KCNQ1: variants seen among roughly 807,000 people sequenced by gnomAD.
KCNQ1 encodes the protein potassium voltage-gated channel subfamily Q member 1.
Under a neutral mutation model 72.4 loss-of-function variants are expected in KCNQ1, and 49 were observed. That is an observed-to-expected ratio of 0.68 (90% confidence interval 0.54 to 0.86). The LOEUF is 0.86. KCNQ1 is among the 40% of genes least tolerant of loss of function. KCNQ1 has a pLI of 0.00. For synonymous variants in KCNQ1, 450 were observed against 412.6 expected, an observed-to-expected ratio of 1.09 and a Z score of -1.10; for missense variants, 790 against 945.1, an observed-to-expected ratio of 0.84 and a Z score of 2.15.
rs1850993315 is a variant in KCNQ1, at chr11:2,711,022, G to A, written c.1514+48941G>A. Reference sequence around the variant, plus strand: ...TCAATTTCTGCAAAGAAACCATCTGGGATACCAATAGGGATTGCATTGAAT... The same window carrying A: ...TCAATTTCTGCAAAGAAACCATCTGAGATACCAATAGGGATTGCATTGAAT... On this transcript the variant is annotated intron_variant, in intron 11 of 15. Coordinates refer to ENST00000155840, the MANE Select transcript of KCNQ1 (RefSeq NM_000218.3). This position sits in a 1 kb window ranked among gnomAD's most constrained non-coding sequence, Gnocchi z 5.4. 6.6e-6 allele frequency among the ~76,000 whole-genome samples: 1 copy of A among 152,112 alleles called. No homozygotes were observed. The highest frequency in any genetic ancestry group is 1.5e-5 in the Non-Finnish European group (1 of 68,032).
At chr11:2,763,540 GAT>G (rs141521871) in intron 11 of KCNQ1, among the ~76,000 whole-genome samples, 2 of 152,248 alleles carry the variant, frequency 1.3e-5, no homozygotes, top group Non-Finnish European at 2.9e-5. Context: ...TATTGTAATT[GAT>G]ATGTTTTATT....
At position 2,752,143 on chromosome 11, in the gene KCNQ1, G is replaced by A. The variant is rs1846236791; in HGVS notation, c.1515-16701G>A. ...GAGCTTGGGAGTTGTGTTGTGTAGT[G>A]TTGACTTGAGTTGCATCGTGTTGTG... On this transcript the variant is annotated intron_variant, in intron 11 of 15. Transcript: ENST00000155840. The surrounding 1 kb of genome is among the most constrained non-coding windows in gnomAD (Gnocchi z 5.2). Among the ~76,000 whole-genome samples the A allele has an allele frequency of 6.6e-6, 1 of 152,216 alleles. No individual in the cohort carries two copies. Among genetic ancestry groups the A allele is most frequent in the African/African-American group, 2.4e-5 (1 of 41,452 alleles).
Position 2,671,955 on chromosome 11 carries a change from A to C in KCNQ1, c.1514+9874A>C. On this transcript the variant is annotated intron_variant, in intron 11 of 15. Coordinates refer to ENST00000155840, the MANE Select transcript of KCNQ1 (RefSeq NM_000218.3). This position sits in a 1 kb window ranked among gnomAD's most constrained non-coding sequence, Gnocchi z 4.7. ...GCTAGTCTCTGTATCTGGGGTAGAA[A>C]GAGTGGGCTAAAAAGTCAGCTAGCA... 2.5e-6 allele frequency: 1 copy of C among 398,632 alleles called. No homozygotes were observed. The allele number at this position is 398,632 out of a possible 1,614,324, so 24.7% of individuals were successfully genotyped here. A position where few individuals can be genotyped will look rare whatever the true frequency, so the allele number is the denominator to read the frequency against.
chr11:2,714,149 G>A (rs941797212), intron 11 of KCNQ1, among the ~76,000 whole-genome samples: 5 of 152,236 alleles, frequency 3.3e-5, no homozygotes, highest in South Asian at 2.1e-4. Flanking sequence ...CTGGGCAGGC[G>A]CAGTGCCCAG....
intron 1 of KCNQ1, chr11:2,521,565 C>T: frequency 2.1e-6 from 1 of 470,654 alleles, no homozygotes; most frequent in South Asian, 1.5e-5. Flanking sequence ...TCAGCTTCGA[C>T]CCTGGGTGAG....
At chr11:2,841,137 A>T (rs1249661698) in intron 15 of KCNQ1, among the ~76,000 whole-genome samples, 1 of 152,166 alleles carries the variant, frequency 6.6e-6, no homozygotes, top group Non-Finnish European at 1.5e-5. Context: ...AGATGAGACG[A>T]GGAGGCCGCC....
chr11:2,564,816 A>T lies in KCNQ1; in HGVS notation c.478-5812A>T, dbSNP rs1848223475. 6.6e-6 allele frequency among the ~76,000 whole-genome samples: 1 copy of T among 152,104 alleles called. No homozygotes were observed. The highest frequency in any genetic ancestry group is 6.5e-5 in the Admixed American group (1 of 15,276). On this transcript the variant is annotated intron_variant, in intron 2 of 15. Coordinates refer to ENST00000155840, the MANE Select transcript of KCNQ1 (RefSeq NM_000218.3). The surrounding 1 kb of genome is among the most constrained non-coding windows in gnomAD (Gnocchi z 4.5). Reference sequence around the variant, plus strand: ...TGAATCTGATGACTGTAGCGACCTCACGTGAGTGGAAGCAGATAGTATTTG... The same window carrying T: ...TGAATCTGATGACTGTAGCGACCTCTCGTGAGTGGAAGCAGATAGTATTTG...
chr11:2,606,178 T>C (rs1848875524), intron 10 of KCNQ1, among the ~76,000 whole-genome samples: 3 of 152,248 alleles, frequency 2.0e-5, no homozygotes, highest in African/African-American at 7.2e-5. Context: ...AGATTGTTTT[T>C]TGACAGTGTG....
At chr11:2,527,404 T>G (rs1224826655) in intron 1 of KCNQ1, among the ~76,000 whole-genome samples, 1 of 152,162 alleles carries the variant, frequency 6.6e-6, no homozygotes, top group East Asian at 1.9e-4. Context: ...TGGAAGTGAT[T>G]TGTAAAATCA....
At chr11:2,753,079 C>G (rs1240591908) in intron 11 of KCNQ1, among the ~76,000 whole-genome samples, 1 of 152,160 alleles carries the variant, frequency 6.6e-6, no homozygotes, top group East Asian at 1.9e-4. Flanking sequence ...GAGGAGAGAA[C>G]GTGCATTCAC....
intron 11 of KCNQ1, among the ~76,000 whole-genome samples, chr11:2,708,597 C>T (rs933206875): frequency 7.9e-5 from 12 of 152,114 alleles, no homozygotes; most frequent in African/African-American, 2.9e-4. Flanking sequence ...CCAGAAGACT[C>T]ACCCCAGGGC....
rs1371546633 is a variant in KCNQ1 at position 2,475,810 on chromosome 11, C to T, written c.386+30326C>T. On this transcript the variant is annotated intron_variant, in intron 1 of 15. Coordinates refer to ENST00000155840, the MANE Select transcript of KCNQ1 (RefSeq NM_000218.3). This position sits in a 1 kb window ranked among gnomAD's most constrained non-coding sequence, Gnocchi z 5.8. ...CTGATGGTTTTAAAAAGAGGCATTCCGCTACACAAGCTCTCTCATGTTTTG... is the reference window on the plus strand; with the variant it reads ...CTGATGGTTTTAAAAAGAGGCATTCTGCTACACAAGCTCTCTCATGTTTTG... Among the ~76,000 whole-genome samples, 3 of 152,138 alleles carry T rather than the reference C, an allele frequency of 2.0e-5. No individual in the cohort carries two copies. The highest frequency in any genetic ancestry group is 4.4e-5 in the Non-Finnish European group (3 of 68,028).
chr11:2,527,092 C>CGATCAGA (rs1301452277), intron 1 of KCNQ1, among the ~76,000 whole-genome samples: 3 of 152,166 alleles, frequency 2.0e-5, no homozygotes, highest in Non-Finnish European at 2.9e-5. Flanking sequence ...ATGGTTCCGG[C>CGATCAGA]GATCAGAGAA....
Position 2,687,195 on chromosome 11 carries a change from G to T in KCNQ1, c.1514+25114G>T. 2.5e-6 allele frequency: 1 copy of T among 398,644 alleles called. No individual in the cohort carries two copies. The highest frequency in any genetic ancestry group is 1.3e-4 in the South Asian group (1 of 7,842). The allele number at this position is 398,644 out of a possible 1,614,324, so 24.7% of individuals were successfully genotyped here. A position where few individuals can be genotyped will look rare whatever the true frequency, so the allele number is the denominator to read the frequency against. On this transcript the variant is annotated intron_variant, in intron 11 of 15. Transcript: ENST00000155840. The surrounding 1 kb of genome is among the most constrained non-coding windows in gnomAD (Gnocchi z 5.0). ...GTCTGCCAAAAGCCCAGGCTGGATAGGGAGCATCACACTGTTGGGAAATGT... is the reference window on the plus strand; with the variant it reads ...GTCTGCCAAAAGCCCAGGCTGGATATGGAGCATCACACTGTTGGGAAATGT...
Position 2,661,583 on chromosome 11 carries a change from CTGT to C in KCNQ1, c.1394-374_1394-372del. 1 of 562,402 alleles carries C rather than the reference CTGT, an allele frequency of 1.8e-6. No individual in the cohort carries two copies. The highest frequency in any genetic ancestry group is 3.2e-6 in the Non-Finnish European group (1 of 316,504). The allele number at this position is 562,402 out of a possible 1,614,324, so 34.8% of individuals were successfully genotyped here. On this transcript the variant is annotated intron_variant, in intron 10 of 15. Transcript: ENST00000155840. This position sits in a 1 kb window ranked among gnomAD's most constrained non-coding sequence, Gnocchi z 5.9. ...GTGTGACAATGTATGGTGGTGGGAG[CTGT>C]TGTCCCTTACCAGGCCTGTGCCTGT...
At chr11:2,749,617 G>A (rs571646259) in intron 11 of KCNQ1, among the ~76,000 whole-genome samples, 2 of 133,748 alleles carry the variant, frequency 1.5e-5, no homozygotes, top group Non-Finnish European at 3.1e-5. Context: ...AGACCACGGC[G>A]AAACCCTGTC....
chr11:2,605,831 A>C (rs377483512), intron 10 of KCNQ1, among the ~76,000 whole-genome samples: 26 of 152,338 alleles, frequency 1.7e-4, no homozygotes, highest in African/African-American at 6.0e-4. Flanking sequence ...AGATTCTGGT[A>C]AGGATTGTGT....
At position 2,669,090 on chromosome 11, in the gene KCNQ1, C is replaced by A; in HGVS notation, c.1514+7009C>A. On this transcript the variant is annotated intron_variant, in intron 11 of 15. Transcript: ENST00000155840. This position sits in a 1 kb window ranked among gnomAD's most constrained non-coding sequence, Gnocchi z 5.6. ...CTACCCTGCCGTATCAGTGTCTTTACAATCAGCTCACTGGCTACGTGTGGC... is the reference window on the plus strand; with the variant it reads ...CTACCCTGCCGTATCAGTGTCTTTAAAATCAGCTCACTGGCTACGTGTGGC... 1 of 398,742 alleles carries A rather than the reference C, an allele frequency of 2.5e-6. No individual in the cohort carries two copies. Among genetic ancestry groups the A allele is most frequent in the Non-Finnish European group, 4.4e-6 (1 of 226,116 alleles). 24.7% of individuals were successfully genotyped at this position (398,742 alleles called of 1,614,324 possible).
chr11:2,625,171 C>T, intron 10 of KCNQ1: 1 of 398,682 alleles, frequency 2.5e-6, no homozygotes. Context: ...AACACAGAGG[C>T]TGTACCATTT....
Sources: allele counts gnomAD v4.1 joint callset (sites outside exome capture counted in the v4.1 genomes callset), GRCh38; gene constraint gnomAD v4.1.1; non-coding constraint Gnocchi (gnomAD v3.1); transcripts MANE v1.5; gene names NCBI Gene and HGNC (gene_info 2026-07-23, HGNC 2026-07-21).